The following NXN variants were observed in gnomAD, a reference collection of about 807,000 sequenced individuals.
NXN encodes nucleoredoxin.
A neutral mutation model predicts 48.6 loss-of-function variants in NXN; 16 were observed. That is an observed-to-expected ratio of 0.33 (90% confidence interval 0.22 to 0.50). The LOEUF (loss-of-function observed/expected upper bound fraction) is 0.50, where lower values mean the gene tolerates loss of function less well. NXN is among the 20% of genes least tolerant of loss of function. NXN has a pLI of 0.98. For synonymous variants in NXN, 281 were observed against 269.6 expected (o/e 1.04, Z -0.41); for missense variants, 492 against 605.5 (o/e 0.81, Z 1.97).
intron 1 of NXN, among the ~76,000 whole-genome samples, chr17:945,424 T>C (rs1309601622): frequency 6.6e-6 from 1 of 150,872 alleles, no homozygotes; most frequent in Non-Finnish European, 1.5e-5. Flanking sequence ...TAGATAAGAG[T>C]TTCCCCCATC....
At chr17:807,407 G>A (rs892038609) in intron 5 of NXN, among the ~76,000 whole-genome samples, 9 of 152,244 alleles carry the variant, frequency 5.9e-5, no homozygotes, top group African/African-American at 9.6e-5. Context: ...AGGCAGGCAC[G>A]GGGGACGGGG....
At chr17:856,025 T>C (rs1033789560) in intron 1 of NXN, among the ~76,000 whole-genome samples, 13 of 152,080 alleles carry the variant, frequency 8.5e-5, no homozygotes, top group Admixed American at 7.9e-4. Flanking sequence ...AAACCCTGTC[T>C]CTACTAAAAA....
intron 1 of NXN, among the ~76,000 whole-genome samples, chr17:860,794 A>T (rs1469989977): frequency 6.6e-6 from 1 of 152,274 alleles, no homozygotes; most frequent in East Asian, 1.9e-4. Context: ...AAAGTTTAAT[A>T]TGAGCAGAAA....
At chr17:880,618 A>AT (rs1278154101) in intron 1 of NXN, among the ~76,000 whole-genome samples, 1 of 152,110 alleles carries the variant, frequency 6.6e-6, no homozygotes, top group East Asian at 1.9e-4. Flanking sequence ...AAGCCAAACA[A>AT]TGAGACTCAA....
chr17:926,614 C>T (rs1226022210), intron 1 of NXN, among the ~76,000 whole-genome samples: 2 of 150,648 alleles, frequency 1.3e-5, no homozygotes, highest in South Asian at 4.2e-4. Flanking sequence ...GGTGCAATCT[C>T]GGCTCACCAC....
intron 7 of NXN, 29 bp from the exon 8 acceptor site, chr17:801,160 A>C (rs1911182303): frequency 1.3e-6 from 2 of 1,486,616 alleles, no homozygotes; most frequent in African/African-American, 2.9e-5. Flanking sequence ...AGAGAAAACC[A>C]AGAAGTTTTA....
chr17:812,541 G>A (rs547469709), intron 5 of NXN, among the ~76,000 whole-genome samples: 136 of 152,236 alleles, frequency 8.9e-4, no homozygotes, highest in Non-Finnish European at 1.2e-3. Flanking sequence ...CCAACAGCCA[G>A]GACCCTGCAG....
At chr17:819,318 A>C (rs1220269383) in intron 5 of NXN, 121 bp downstream of exon 5, 1 of 744,190 alleles carries the variant, frequency 1.3e-6, no homozygotes, top group African/African-American at 1.7e-5. Context: ...GAAACATGAA[A>C]GGCACATGAA....
intron 1 of NXN, among the ~76,000 whole-genome samples, chr17:905,419 TA>T (rs965957654): frequency 6.6e-6 from 1 of 151,778 alleles, no homozygotes; most frequent in Non-Finnish European, 1.5e-5. Flanking sequence ...TCCTGTCGGT[TA>T]AAAATAAAAA....
chr17:979,724 G>C lies in NXN; in HGVS notation c.-46C>G, dbSNP rs1196882178. 39 of 1,283,872 alleles carry C rather than the reference G, an allele frequency of 3.0e-5. No individual in the cohort carries two copies. Among genetic ancestry groups the C allele is most frequent in the Non-Finnish European group, 3.4e-5 (34 of 1,014,304 alleles). 79.5% of individuals were successfully genotyped at this position (1,283,872 alleles called of 1,614,324 possible). A position where few individuals can be genotyped will look rare whatever the true frequency, so the allele number is the denominator to read the frequency against. On this transcript the variant is annotated 5_prime_UTR_variant, in exon 1 of 8. Coordinates refer to ENST00000336868, the MANE Select transcript of NXN (RefSeq NM_022463.5). ...GCAGGCGGCTGCGACCCCGCTCCACGGTCCGCGCGGCGGGAGGAGGCGGCG... is the reference window on the plus strand; with the variant it reads ...GCAGGCGGCTGCGACCCCGCTCCACCGTCCGCGCGGCGGGAGGAGGCGGCG...
chr17:895,552 C>T (rs2068470259), intron 1 of NXN, among the ~76,000 whole-genome samples: 1 of 151,648 alleles, frequency 6.6e-6, no homozygotes, highest in Non-Finnish European at 1.5e-5. Flanking sequence ...GTGGCTCACG[C>T]CTCTAATCCC....
intron 5 of NXN, among the ~76,000 whole-genome samples, chr17:812,768 G>A (rs1326999673): frequency 6.8e-6 from 1 of 146,654 alleles, no homozygotes; most frequent in Non-Finnish European, 1.5e-5. Context: ...ATATGTGTGA[G>A]TGTAGGTGTG....
At position 956,224 on chromosome 17, in the gene NXN, C is replaced by T. The variant is rs2069167172; in HGVS notation, c.360+23095G>A. On this transcript the variant is annotated intron_variant, in intron 1 of 7. Coordinates refer to ENST00000336868, the MANE Select transcript of NXN (RefSeq NM_022463.5). This position sits in a 1 kb window ranked among gnomAD's most constrained non-coding sequence, Gnocchi z 4.1. Reference sequence around the variant, plus strand: ...CAACTCTCCATCCAAACCATTCATTCTTTCTTTCAATAAACACGGTGCCAA... The same window carrying T: ...CAACTCTCCATCCAAACCATTCATTTTTTCTTTCAATAAACACGGTGCCAA... 6.6e-6 allele frequency among the ~76,000 whole-genome samples: 1 copy of T among 152,114 alleles called. No individual in the cohort carries two copies. The highest frequency in any genetic ancestry group is 1.5e-5 in the Non-Finnish European group (1 of 68,034).
At chr17:832,302 T>C (rs1344542186) in intron 1 of NXN, among the ~76,000 whole-genome samples, 1 of 151,654 alleles carries the variant, frequency 6.6e-6, no homozygotes, top group Non-Finnish European at 1.5e-5. Context: ...CTCAGCCTCC[T>C]GAGTAGCTGG....
intron 1 of NXN, among the ~76,000 whole-genome samples, chr17:972,338 G>A (rs943342648): frequency 6.6e-6 from 1 of 152,048 alleles, no homozygotes; most frequent in African/African-American, 2.4e-5. Flanking sequence ...TTAGCCAGGC[G>A]TGGTGGCTGG....
chr17:915,962 G>A (rs1388667673), intron 1 of NXN, among the ~76,000 whole-genome samples: 1 of 151,976 alleles, frequency 6.6e-6, no homozygotes, highest in Non-Finnish European at 1.5e-5. Context: ...CTGTGTTTTT[G>A]TTTGTAGGCT....
chr17:968,302 C>T (rs2069330686), intron 1 of NXN, among the ~76,000 whole-genome samples: 1 of 152,110 alleles, frequency 6.6e-6, no homozygotes, highest in Admixed American at 6.5e-5. Context: ...ATGCACAGAC[C>T]AGTATCTCCC....
At chr17:923,946 T>A (rs1409422103) in intron 1 of NXN, among the ~76,000 whole-genome samples, 3 of 152,208 alleles carry the variant, frequency 2.0e-5, no homozygotes, top group Non-Finnish European at 4.4e-5. Flanking sequence ...CACTTTTGTA[T>A]TTTTTTAAGT....
rs550825362 is a variant in NXN at position 934,231 on chromosome 17, G to T, written c.360+45088C>A. ...GAGGCTCAGGCAGGCGGATCACGAG[G>T]TCAGGAGATTGAGACCATCCTGGCT... On this transcript the variant is annotated intron_variant, in intron 1 of 7. Transcript: ENST00000336868. Among the ~76,000 whole-genome samples, 5 of 151,878 alleles carry T rather than the reference G, an allele frequency of 3.3e-5. No homozygotes were observed. In the East Asian group the frequency reaches 9.8e-4, roughly 30 times the overall value.
Sources: allele counts gnomAD v4.1 joint callset (sites outside exome capture counted in the v4.1 genomes callset), GRCh38; gene constraint gnomAD v4.1.1; non-coding constraint Gnocchi (gnomAD v3.1); transcripts MANE v1.5; gene names NCBI Gene and HGNC (gene_info 2026-07-23, HGNC 2026-07-21).